Variants in CLPTM1 observed in about 807,000 individuals in gnomAD.
The protein encoded by CLPTM1 is putative lipid scramblase CLPTM1.
CLPTM1 carries 21 observed loss-of-function variants against 77.3 expected under a neutral mutation model. The ratio of observed to expected loss-of-function variants is 0.27; its 90% confidence interval spans 0.19 to 0.39. The LOEUF (loss-of-function observed/expected upper bound fraction) is 0.39, where lower values mean the gene tolerates loss of function less well. CLPTM1 is among the 10% of genes least tolerant of loss of function. The probability of loss-of-function intolerance (pLI) is 1.00; values close to 1 mark genes in which losing one functional copy is unlikely to be tolerated. For synonymous variants in CLPTM1, 373 were observed against 381.0 expected, an observed-to-expected ratio of 0.98 and a Z score of 0.24; for missense variants, 642 against 921.2, an observed-to-expected ratio of 0.70 and a Z score of 3.92.
intron 1 of CLPTM1, 61 bp downstream of exon 1, chr19:44,955,528 C>A (rs2122224640): frequency 2.4e-6 from 3 of 1,226,280 alleles, no homozygotes; most frequent in Non-Finnish European, 3.1e-6. Flanking sequence ...TCCCACGGGG[C>A]GTGTCCTACC....
intron 2 of CLPTM1, among the ~76,000 whole-genome samples, chr19:44,970,308 C>T (rs1970697964): frequency 6.8e-6 from 1 of 146,858 alleles, no homozygotes; most frequent in Non-Finnish European, 1.5e-5. Flanking sequence ...TTCCTTCCTT[C>T]TCAGGGGTGG....
intron 2 of CLPTM1, among the ~76,000 whole-genome samples, 178 bp from the exon 3 acceptor site, chr19:44,972,909 G>A (rs1205903579): frequency 6.6e-6 from 1 of 152,042 alleles, no homozygotes; most frequent in Non-Finnish European, 1.5e-5. Context: ...CCCAGATGTG[G>A]TCTTTAGGGA....
chr19:44,964,298 C>CTTTTTTTTTTTTTTTTTTTTTTT lies in CLPTM1; in HGVS notation c.185+2231_185+2253dup, dbSNP rs35539206. ...TTTTAACCTATGTTTTCATTTTAAC[C>CTTTTTTTTTTTTTTTTTTTTTTT]TTTTTTTTTTTTTTTTTTTTTTTTT... is the stretch of plus-strand genomic sequence containing the variant. On this transcript the variant is annotated intron_variant, in intron 2 of 13. Transcript: ENST00000337392. Among the ~76,000 whole-genome samples the CTTTTTTTTTTTTTTTTTTTTTTT allele has an allele frequency of 2.9e-5, 2 of 68,120 alleles. 1 individual carries two copies. The highest frequency in any genetic ancestry group is 5.3e-5 in the Non-Finnish European group (2 of 37,712). 44.7% of individuals were successfully genotyped at this position (68,120 alleles called of 152,430 possible).
chr19:44,954,980 C>T, upstream of CLPTM1: 1 of 1,535,398 alleles, frequency 6.5e-7, no homozygotes. Flanking sequence ...TGGTTCGAAG[C>T]CGTACAGTGG....
rs1970588004 is a variant in CLPTM1, at chr19:44,964,088, C to A, written c.185+2013C>A. On this transcript the variant is annotated intron_variant, in intron 2 of 13. Transcript: ENST00000337392. Reference sequence around the variant, plus strand: ...GCCTGACCCTCAGAAGTTGAAGCTGCAGTGAGCCGAGATCACACCACTGTA... The same window carrying A: ...GCCTGACCCTCAGAAGTTGAAGCTGAAGTGAGCCGAGATCACACCACTGTA... 2.0e-5 allele frequency among the ~76,000 whole-genome samples: 3 copies of A among 151,740 alleles called. No individual in the cohort carries two copies. In the South Asian group the frequency reaches 6.3e-4, roughly 32 times the overall value.
intron 5 of CLPTM1, 58 bp from the exon 6 acceptor site, chr19:44,985,160 G>C: frequency 7.7e-7 from 1 of 1,305,652 alleles, no homozygotes; most frequent in East Asian, 2.3e-5. Flanking sequence ...TCCGGGCTCT[G>C]GAGGCTGCAG....
chr19:44,955,322 A>C, upstream of CLPTM1: 1 of 1,347,570 alleles, frequency 7.4e-7, no homozygotes, highest in South Asian at 1.7e-5. Context: ...AAAGCGTGAA[A>C]TCTCGCGCGA....
intron 7 of CLPTM1, chr19:44,986,863 A>G (rs1325128485): frequency 1.5e-5 from 8 of 529,204 alleles, no homozygotes; most frequent in Non-Finnish European, 2.0e-5. Context: ...AGCTTTTGAA[A>G]TTGAGGCAGT....
chr19:44,988,513 G>A (rs961087679), intron 9 of CLPTM1, among the ~76,000 whole-genome samples: 4 of 152,194 alleles, frequency 2.6e-5, no homozygotes, highest in Admixed American at 6.5e-5. Context: ...TGCCTGCTGC[G>A]GGAGGCCGCT....
chr19:44,987,324 G>A lies in CLPTM1; in HGVS notation c.939G>A (p.Trp313Ter). 6.2e-7 allele frequency: 1 copy of A among 1,614,248 alleles called. No homozygotes were observed. Among genetic ancestry groups the A allele is most frequent in the Non-Finnish European group, 8.5e-7 (1 of 1,180,042 alleles). The change falls in exon 8 of 14, where the codon TGG becomes TGA. Residue 313 changes from tryptophan to a stop codon, truncating the protein, a stop_gained. Coordinates refer to ENST00000337392, the MANE Select transcript of CLPTM1 (RefSeq NM_001294.4). LOFTEE classifies it high-confidence loss of function. The stretch of plus-strand genomic sequence containing the variant: ...TCTCCTTCTGCCCACTCTCGCTTTG[G>A]CGCTGGCAGCTCTATGCTGCCCAGA... ...LRVSFCPLSLWRWQLYAAQST... is the reference protein window; with the variant it reads ...LRVSFCPLSL
At chr19:44,957,170 C>A (rs1383552261) in intron 1 of CLPTM1, among the ~76,000 whole-genome samples, 1 of 152,240 alleles carries the variant, frequency 6.6e-6, no homozygotes, top group Non-Finnish European at 1.5e-5. Flanking sequence ...TATTTCTAAA[C>A]CTCTTTTATT....
chr19:44,977,089 C>T (rs1339119197), intron 4 of CLPTM1, among the ~76,000 whole-genome samples: 2 of 152,082 alleles, frequency 1.3e-5, no homozygotes, highest in Non-Finnish European at 2.9e-5. Flanking sequence ...AACTTCGCAT[C>T]CTCTAGGTGG....
At chr19:44,985,578 C>T (rs1426162007) in intron 6 of CLPTM1, among the ~76,000 whole-genome samples, 3 of 152,212 alleles carry the variant, frequency 2.0e-5, no homozygotes, top group African/African-American at 7.2e-5. Flanking sequence ...CACATGAGGA[C>T]ACTTGCTCAG....
chr19:44,955,729 C>T, intron 1 of CLPTM1: 1 of 370,058 alleles, frequency 2.7e-6, no homozygotes, highest in Non-Finnish European at 4.8e-6. Flanking sequence ...GACAGTGGCT[C>T]GGAGGGGCGC....
intron 4 of CLPTM1, among the ~76,000 whole-genome samples, chr19:44,976,773 G>A (rs1970811751): frequency 6.6e-6 from 1 of 152,148 alleles, no homozygotes; most frequent in African/African-American, 2.4e-5. Flanking sequence ...CCACAGACTG[G>A]GTTTCCATCT....
intron 1 of CLPTM1, among the ~76,000 whole-genome samples, chr19:44,960,849 T>G (rs1271462919): frequency 6.6e-6 from 1 of 152,112 alleles, no homozygotes; most frequent in Non-Finnish European, 1.5e-5. Flanking sequence ...GAGCTAACTG[T>G]GACTGTGATA....
Position 44,967,333 on chromosome 19 carries a change from C to T in CLPTM1, c.185+5258C>T, listed in dbSNP as rs554301084. On this transcript the variant is annotated intron_variant, in intron 2 of 13. Transcript: ENST00000337392. ...GACTGTATCTCAAACAAACAAAAAC[C>T]TTAGGAAATATATAGTGAAACAGTG... Among the ~76,000 whole-genome samples the T allele has an allele frequency of 5.9e-5, 9 of 151,658 alleles. No individual in the cohort carries two copies. In the East Asian group the frequency reaches 1.8e-3, roughly 30 times the overall value.
rs1226619487 is a variant in CLPTM1 at position 44,991,959 on chromosome 19, A to G, written c.1556-274A>G. ...CAATAGTGAGTACTGTGAAGGGCAG[A>G]GTGGTGGGAGGATGCACATTAATAG... On this transcript the variant is annotated intron_variant, in intron 12 of 13. Transcript: ENST00000337392. The surrounding 1 kb of genome is among the most constrained non-coding windows in gnomAD (Gnocchi z 5.4). Among the ~76,000 whole-genome samples the G allele has an allele frequency of 6.6e-6, 1 of 152,124 alleles. No homozygotes were observed. The highest frequency in any genetic ancestry group is 2.4e-5 in the African/African-American group (1 of 41,398).
At chr19:44,957,846 C>CT (rs1459108327) in intron 1 of CLPTM1, among the ~76,000 whole-genome samples, 1 of 152,234 alleles carries the variant, frequency 6.6e-6, no homozygotes, top group Non-Finnish European at 1.5e-5. Context: ...CGAATTGAGT[C>CT]TACTCCATGC....
Sources: allele counts gnomAD v4.1 joint callset (sites outside exome capture counted in the v4.1 genomes callset), GRCh38; gene constraint gnomAD v4.1.1; non-coding constraint Gnocchi (gnomAD v3.1); transcripts MANE v1.5; gene names NCBI Gene and HGNC (gene_info 2026-07-23, HGNC 2026-07-21).